The following DAB1 variants were observed in gnomAD, a reference collection of about 807,000 sequenced individuals.
DAB1 encodes DAB adaptor protein 1.
Under a neutral mutation model 64.6 loss-of-function variants are expected in DAB1, and 15 were observed. The observed-to-expected ratio is 0.23, with a 90% confidence interval of 0.16 to 0.36. The LOEUF (loss-of-function observed/expected upper bound fraction) is 0.36. Ranked by LOEUF, DAB1 falls within the 10% of genes least tolerant of loss-of-function variation. DAB1 has a pLI of 1.00. For synonymous variants in DAB1, 235 were observed against 251.9 expected, an observed-to-expected ratio of 0.93 and a Z score of 0.64; for missense variants, 596 against 706.7, an observed-to-expected ratio of 0.84 and a Z score of 1.78.
intron 4 of DAB1, among the ~76,000 whole-genome samples, chr1:58,313,066 A>G (rs1274073720): frequency 1.3e-5 from 2 of 152,022 alleles, no homozygotes; most frequent in African/African-American, 4.8e-5. Flanking sequence ...ACTACCTCCA[A>G]GTCATGACTC....
At chr1:57,817,771 G>T (rs190651324) in intron 6 of DAB1, among the ~76,000 whole-genome samples, 1 of 152,118 alleles carries the variant, frequency 6.6e-6, no homozygotes, top group African/African-American at 2.4e-5. Context: ...GAGCATCTAA[G>T]TCCGTGCTTT....
At chr1:57,175,819 T>A (rs560010407) in intron 2 of DAB1, among the ~76,000 whole-genome samples, 58 of 152,250 alleles carry the variant, frequency 3.8e-4, no homozygotes, top group Non-Finnish European at 7.5e-4. Flanking sequence ...TAAAAACCCA[T>A]CAAAATGGCA....
chr1:57,227,409 A>C (rs1268955509), intron 2 of DAB1, among the ~76,000 whole-genome samples: 2 of 152,182 alleles, frequency 1.3e-5, no homozygotes, highest in African/African-American at 4.8e-5. Flanking sequence ...AGTAAAACAA[A>C]ATAGATAATG....
intron 4 of DAB1, among the ~76,000 whole-genome samples, chr1:58,264,870 A>C (rs1281438240): frequency 6.6e-6 from 1 of 152,216 alleles, no homozygotes; most frequent in Non-Finnish European, 1.5e-5. Flanking sequence ...ATGGTCAGTT[A>C]GCTGTATCTC....
Position 58,359,985 on chromosome 1 carries a change from T to C in DAB1, n.258-16582A>G, listed in dbSNP as rs1569682448. Among the ~76,000 whole-genome samples, 3 of 152,158 alleles carry C rather than the reference T, an allele frequency of 2.0e-5. No individual in the cohort carries two copies. The East Asian group carries it at 5.8e-4, about 29-fold the overall frequency. On this transcript the variant is annotated intron_variant and non_coding_transcript_variant, in intron 3 of 20. Transcript: ENST00000485760. ...TCAGATGGTGGCAATATCAACTACCTTGCTTGCCCTTACTGGGTTTCTTAC... is the reference window on the plus strand; with the variant it reads ...TCAGATGGTGGCAATATCAACTACCCTGCTTGCCCTTACTGGGTTTCTTAC...
Position 57,539,101 on chromosome 1 carries a change from T to G in DAB1, n.625+110491A>C, listed in dbSNP as rs1570607975. Among the ~76,000 whole-genome samples the G allele has an allele frequency of 2.0e-5, 3 of 152,334 alleles. No homozygotes were observed. The South Asian group carries it at 6.2e-4, about 32-fold the overall frequency. ...CTGTTCTCAAATATTCAGGGGATGC[T>G]TCAGTTTTCTTAGGAAGCACTGGGA... is the stretch of plus-strand genomic sequence containing the variant. On this transcript the variant is annotated intron_variant and non_coding_transcript_variant, in intron 7 of 20. Coordinates refer to the DAB1 transcript ENST00000485760.
chr1:57,613,177 A>G (rs1645749145), intron 7 of DAB1, among the ~76,000 whole-genome samples: 1 of 152,252 alleles, frequency 6.6e-6, no homozygotes, highest in Admixed American at 6.5e-5. Context: ...TATAGCAGCT[A>G]GTATTATTTT....
At chr1:57,261,692 A>G (rs1255444793) in intron 2 of DAB1, among the ~76,000 whole-genome samples, 1 of 152,212 alleles carries the variant, frequency 6.6e-6, no homozygotes, top group Non-Finnish European at 1.5e-5. Context: ...TGACTAGTGA[A>G]TGAAGTATCA....
chr1:57,135,881 G>T (rs1658037927), intron 4 of DAB1, among the ~76,000 whole-genome samples: 1 of 152,122 alleles, frequency 6.6e-6, no homozygotes. Flanking sequence ...TTTGACTCTT[G>T]TTCTCTTGGA....
intron 2 of DAB1, among the ~76,000 whole-genome samples, chr1:57,238,846 C>G (rs975124727): frequency 7.1e-6 from 1 of 140,660 alleles, no homozygotes; most frequent in Non-Finnish European, 1.5e-5. Flanking sequence ...CATGCGCACA[C>G]ACACACACAC....
intron 4 of DAB1, among the ~76,000 whole-genome samples, chr1:58,306,551 C>T (rs775726983): frequency 5.9e-5 from 9 of 152,104 alleles, no homozygotes; most frequent in Non-Finnish European, 8.8e-5. Flanking sequence ...CAAGTCTTTG[C>T]ATCTCACCAT....
intron 3 of DAB1, among the ~76,000 whole-genome samples, chr1:58,390,109 G>A (rs1043308589): frequency 3.9e-5 from 6 of 152,106 alleles, no homozygotes; most frequent in African/African-American, 1.4e-4. Flanking sequence ...GAGGCTGGGG[G>A]AAGGGAGAGC....
At chr1:58,048,895 T>C in intron 5 of DAB1, 1 of 916,642 alleles carries the variant, frequency 1.1e-6, no homozygotes, top group South Asian at 1.3e-5. Context: ...ATGATTTCAA[T>C]CACTTCCATT....
chr1:57,151,013 C>T (rs995099374), intron 2 of DAB1, among the ~76,000 whole-genome samples: 4 of 152,052 alleles, frequency 2.6e-5, no homozygotes, highest in African/African-American at 9.7e-5. Flanking sequence ...AAAACCCTGG[C>T]ACCTTACAGA....
chr1:57,135,589 A>G (rs1176712017), intron 4 of DAB1, among the ~76,000 whole-genome samples: 1 of 152,194 alleles, frequency 6.6e-6, no homozygotes, highest in Non-Finnish European at 1.5e-5. Context: ...CCATTCTATT[A>G]CTAGTTATTT....
At chr1:57,971,582 A>G (rs889050134) in intron 5 of DAB1, among the ~76,000 whole-genome samples, 5 of 152,228 alleles carry the variant, frequency 3.3e-5, no homozygotes, top group Non-Finnish European at 5.9e-5. Context: ...GACAGGAATG[A>G]TATTATCCCA....
chr1:57,210,736 A>G (rs999462891), intron 2 of DAB1, among the ~76,000 whole-genome samples: 13 of 152,220 alleles, frequency 8.5e-5, no homozygotes, highest in African/African-American at 3.1e-4. Flanking sequence ...TGGTTTCAAA[A>G]GGAAGGCAAA....
chr1:57,198,581 C>T (rs1363512501), intron 2 of DAB1, among the ~76,000 whole-genome samples: 2 of 151,450 alleles, frequency 1.3e-5, no homozygotes, highest in African/African-American at 4.9e-5. Flanking sequence ...CTGGAATGCC[C>T]CCCACCTCCA....
chr1:57,626,487 T>C (rs917367466), intron 7 of DAB1, among the ~76,000 whole-genome samples: 2 of 152,182 alleles, frequency 1.3e-5, no homozygotes, highest in African/African-American at 4.8e-5. Context: ...GACGATCTCA[T>C]CTTGAATGCT....
Sources: gnomAD v4.1 joint callset for allele counts (sites outside exome capture counted in the v4.1 genomes callset) on GRCh38, gnomAD v4.1.1 for gene constraint, MANE v1.5 for transcripts, NCBI Gene and HGNC (gene_info 2026-07-23, HGNC 2026-07-21) for gene names.